The following PARD3B variants were observed in gnomAD, a reference collection of about 807,000 sequenced individuals.
PARD3B encodes par-3 family cell polarity regulator beta.
Under a neutral mutation model 130.2 loss-of-function variants are expected in PARD3B, and 103 were observed. That is an observed-to-expected ratio of 0.79 (90% confidence interval 0.67 to 0.93). The LOEUF is 0.93. Ranked by LOEUF, PARD3B falls within the 40% of genes least tolerant of loss-of-function variation. PARD3B has a pLI of 0.00. For missense variants in PARD3B, 1,609 were observed against 1,499.2 expected (o/e 1.07, Z -1.21); for synonymous variants, 583 against 553.2 (o/e 1.05, Z -0.76).
intron 2 of PARD3B, among the ~76,000 whole-genome samples, chr2:204,958,923 A>G (rs980807666): frequency 1.3e-5 from 2 of 152,182 alleles, no homozygotes; most frequent in South Asian, 4.1e-4. Context: ...TCTGTTATTC[A>G]GGGTCATGGA....
intron 20 of PARD3B, among the ~76,000 whole-genome samples, chr2:205,490,266 C>T (rs928222875): frequency 1.3e-5 from 2 of 151,850 alleles, no homozygotes; most frequent in African/African-American, 2.4e-5. Flanking sequence ...CTCCCCACTC[C>T]CCCCACCCCA....
At chr2:205,600,112 A>G (rs964245424) in intron 22 of PARD3B, among the ~76,000 whole-genome samples, 2 of 152,132 alleles carry the variant, frequency 1.3e-5, no homozygotes, top group African/African-American at 4.8e-5. Context: ...ATCCTAATAT[A>G]CTATTACTAT....
rs532702989 is a variant in PARD3B, at chr2:204,952,829, C to G, written c.223-12323C>G. Among the ~76,000 whole-genome samples the G allele has an allele frequency of 1.6e-3, 248 of 151,894 alleles. 2 individuals are homozygous for G. Among genetic ancestry groups the G allele is most frequent in the African/African-American group, 5.5e-3 (229 of 41,434 alleles). On this transcript the variant is annotated intron_variant, in intron 2 of 22. Coordinates refer to ENST00000406610, the MANE Select transcript of PARD3B (RefSeq NM_001302769.2). ...CTGGCTAACATGGTGAAACCCACCTCTACTAAAAATACAAAAAATTAGCCG... is the reference window on the plus strand; with the variant it reads ...CTGGCTAACATGGTGAAACCCACCTGTACTAAAAATACAAAAAATTAGCCG...
chr2:204,862,681 TC>T (rs1347632423), intron 2 of PARD3B, among the ~76,000 whole-genome samples: 1 of 152,194 alleles, frequency 6.6e-6, no homozygotes, highest in Non-Finnish European at 1.5e-5. Context: ...TCACATCTGT[TC>T]TTGTCACCAG....
chr2:205,204,085 C>T (rs2125831355), intron 15 of PARD3B, among the ~76,000 whole-genome samples: 1 of 152,288 alleles, frequency 6.6e-6, no homozygotes, highest in Admixed American at 6.5e-5. Flanking sequence ...TAAAAGTATT[C>T]CTATTTCTCC....
At chr2:204,756,623 C>T (rs1211038459) in intron 2 of PARD3B, among the ~76,000 whole-genome samples, 2 of 152,110 alleles carry the variant, frequency 1.3e-5, no homozygotes, top group African/African-American at 2.4e-5. Context: ...ATTCCCAGGT[C>T]TACATTTGCT....
intron 19 of PARD3B, among the ~76,000 whole-genome samples, chr2:205,414,681 A>C (rs1193281575): frequency 6.6e-6 from 1 of 152,094 alleles, no homozygotes; most frequent in African/African-American, 2.4e-5. Flanking sequence ...TAAAAATTCT[A>C]TTAGTGAAGA....
chr2:205,252,489 C>A (rs925678683), intron 16 of PARD3B, among the ~76,000 whole-genome samples: 1 of 152,064 alleles, frequency 6.6e-6, no homozygotes, highest in African/African-American at 2.4e-5. Flanking sequence ...ATGGCTGTCA[C>A]GTTTCAGAAA....
chr2:204,892,892 G>T (rs532231777), intron 2 of PARD3B, among the ~76,000 whole-genome samples: 1 of 152,306 alleles, frequency 6.6e-6, no homozygotes, highest in African/African-American at 2.4e-5. Flanking sequence ...TTAAGTTAGA[G>T]ATAACAATTA....
intron 2 of PARD3B, among the ~76,000 whole-genome samples, chr2:204,773,786 A>T (rs887611922): frequency 7.9e-5 from 12 of 151,982 alleles, no homozygotes; most frequent in Non-Finnish European, 1.5e-4. Context: ...TTTCACCCTG[A>T]CTTCCTCTTC....
chr2:205,316,685 C>A (rs1026232027), intron 18 of PARD3B, among the ~76,000 whole-genome samples: 3 of 152,062 alleles, frequency 2.0e-5, no homozygotes, highest in Non-Finnish European at 4.4e-5. Flanking sequence ...AGTTTAAATT[C>A]GGATATGTGC....
Position 205,508,048 on chromosome 2 carries a change from A to G in PARD3B, c.3180+8017A>G, listed in dbSNP as rs570609034. ...GATCTGAGTACAGATTGTCTCAGCA[A>G]TACTCTGGGGACAAATCTGATCCAT... On this transcript the variant is annotated intron_variant, in intron 21 of 22. Coordinates refer to ENST00000406610, the MANE Select transcript of PARD3B (RefSeq NM_001302769.2). 7.2e-5 allele frequency among the ~76,000 whole-genome samples: 11 copies of G among 152,334 alleles called. No individual in the cohort carries two copies. In the East Asian group the frequency reaches 1.9e-3, roughly 27 times the overall value.
At chr2:204,819,056 A>G (rs2043240991) in intron 2 of PARD3B, among the ~76,000 whole-genome samples, 1 of 152,216 alleles carries the variant, frequency 6.6e-6, no homozygotes, top group Non-Finnish European at 1.5e-5. Flanking sequence ...TAATATAGAT[A>G]CAGTTGGAGA....
rs1485970544 is a variant in PARD3B, at chr2:204,953,010, AG to A, written c.223-12140del. ...AGACTCAGTCTCAAAAAAAAAAAAA[AG>A]GTATATATATATATGTGTGTATATA... On this transcript the variant is annotated intron_variant, in intron 2 of 22. Transcript: ENST00000406610. Among the ~76,000 whole-genome samples the A allele has an allele frequency of 3.7e-3, 561 of 150,108 alleles. 1 individual carries two copies. Among genetic ancestry groups the A allele is most frequent in the Non-Finnish European group, 5.9e-3 (401 of 67,642 alleles).
At chr2:204,862,651 A>G (rs114048234) in intron 2 of PARD3B, among the ~76,000 whole-genome samples, 247 of 152,252 alleles carry the variant, frequency 1.6e-3, no homozygotes, top group African/African-American at 5.2e-3. Flanking sequence ...TCTGTCCCCA[A>G]GAACCTCTCA....
rs530480461 is a variant in PARD3B, at chr2:205,352,375, T to C, written c.2631-48638T>C. ...CGTGGATTACAGGGACTCTTGTAAA[T>C]GGGTTTCATATGGTAACTAGTGACC... On this transcript the variant is annotated intron_variant, in intron 18 of 22. Coordinates refer to ENST00000406610, the MANE Select transcript of PARD3B (RefSeq NM_001302769.2). This position sits in a 1 kb window ranked among gnomAD's most constrained non-coding sequence, Gnocchi z 5.2. 2.6e-4 allele frequency among the ~76,000 whole-genome samples: 39 copies of C among 152,316 alleles called. No homozygotes were observed. Among genetic ancestry groups the C allele is most frequent in the Admixed American group, 7.8e-4 (12 of 15,300 alleles).
chr2:205,263,631 A>G lies in PARD3B; in HGVS notation c.2185+17809A>G, dbSNP rs548950905. Among the ~76,000 whole-genome samples the G allele has an allele frequency of 2.0e-5, 3 of 151,270 alleles. No individual in the cohort carries two copies. Among genetic ancestry groups the G allele is most frequent in the African/African-American group, 7.3e-5 (3 of 41,244 alleles). On this transcript the variant is annotated intron_variant, in intron 16 of 22. Transcript: ENST00000406610. The surrounding 1 kb of genome is among the most constrained non-coding windows in gnomAD (Gnocchi z 4.0). ...TAAAACTATAAAACTTCTAGAAAAC[A>G]AATGGGAGAAATTTTAGTTACAGTG...
intron 19 of PARD3B, among the ~76,000 whole-genome samples, chr2:205,422,892 C>A (rs2047018904): frequency 6.7e-6 from 1 of 148,842 alleles, no homozygotes; most frequent in Non-Finnish European, 1.5e-5. Flanking sequence ...AGTAGGCTCC[C>A]ATGGACAAAC....
intron 2 of PARD3B, among the ~76,000 whole-genome samples, chr2:204,815,741 C>T (rs981380947): frequency 3.3e-5 from 5 of 151,992 alleles, no homozygotes; most frequent in African/African-American, 4.8e-5. Context: ...GTACAAAGTA[C>T]TTTCTAATTT....
Sources: gnomAD v4.1 joint callset for allele counts (sites outside exome capture counted in the v4.1 genomes callset) on GRCh38, gnomAD v4.1.1 for gene constraint, Gnocchi (gnomAD v3.1) non-coding constraint, MANE v1.5 for transcripts, NCBI Gene and HGNC (gene_info 2026-07-23, HGNC 2026-07-21) for gene names.